CD48: variants seen among roughly 807,000 people sequenced by gnomAD.
CD48 encodes CD48 molecule.
A neutral mutation model predicts 22.0 loss-of-function variants in CD48; 20 were observed. The observed-to-expected ratio is 0.91, with a 90% confidence interval of 0.64 to 1.32. CD48 has a LOEUF of 1.32. CD48 is among the 40% of genes most tolerant of loss of function. CD48 has a pLI of 0.00. For missense variants in CD48, 307 were observed against 286.5 expected, an observed-to-expected ratio of 1.07 and a Z score of -0.52; for synonymous variants, 110 against 110.1, an observed-to-expected ratio of 1.00 and a Z score of 0.01.
chr1:160,681,482 G>A lies in CD48; in HGVS notation c.386-14C>T. Reference sequence around the variant, plus strand: ...TGGGTACAGGGTCTGAAAGTGAGGAGGATGTTATAAGATGAGACAGTGAGG... The same window carrying A: ...TGGGTACAGGGTCTGAAAGTGAGGAAGATGTTATAAGATGAGACAGTGAGG... On this transcript the variant is annotated splice_polypyrimidine_tract_variant and intron_variant, in intron 2 of 3. Transcript: ENST00000368046. The A allele has an allele frequency of 1.2e-6, 2 of 1,611,796 alleles. No homozygotes were observed. The highest frequency in any genetic ancestry group is 1.1e-5 in the South Asian group (1 of 90,756).
intron 2 of CD48, 42 bp downstream of exon 2, chr1:160,684,845 G>A (rs766626382): frequency 1.2e-6 from 2 of 1,614,036 alleles, no homozygotes; most frequent in South Asian, 1.1e-5. Context: ...TCCATCTGGG[G>A]CCACTGGAGT....
chr1:160,693,545 C>A (rs1379659793), intron 1 of CD48, among the ~76,000 whole-genome samples: 1 of 152,298 alleles, frequency 6.6e-6, no homozygotes, highest in Non-Finnish European at 1.5e-5. Flanking sequence ...TCAAATTGGT[C>A]ATTTAAAAAA....
At chr1:160,695,091 G>A (rs1662366188) in intron 1 of CD48, among the ~76,000 whole-genome samples, 1 of 152,060 alleles carries the variant, frequency 6.6e-6, no homozygotes, top group African/African-American at 2.4e-5. Flanking sequence ...TTGATCTAAA[G>A]GACTGCTTTT....
chr1:160,711,182 C>T (rs966524325), intron 1 of CD48, among the ~76,000 whole-genome samples: 4 of 152,186 alleles, frequency 2.6e-5, no homozygotes, highest in Non-Finnish European at 4.4e-5. Context: ...AGACCCCAGA[C>T]AGCAATCCTT....
chr1:160,701,533 T>A (rs1028860169), intron 1 of CD48, among the ~76,000 whole-genome samples: 1 of 152,040 alleles, frequency 6.6e-6, no homozygotes, highest in Non-Finnish European at 1.5e-5. Flanking sequence ...ACCAGCCCTG[T>A]TTTCTTTTAT....
In CD48 at chr1:160,684,885, A is replaced by AC. The variant is rs1190156939; in HGVS notation, c.385+1dup. 1 of 1,614,042 alleles carries AC rather than the reference A, an allele frequency of 6.2e-7. No individual in the cohort carries two copies. The highest frequency in any genetic ancestry group is 8.5e-7 in the Non-Finnish European group (1 of 1,180,004). Reference sequence around the variant, plus strand: ...ATTTGCTCTTTGGCTCCCCTGACTCACCAAGCACTTGCAGCTTGATCTTCC... The same window carrying AC: ...ATTTGCTCTTTGGCTCCCCTGACTCACCCAAGCACTTGCAGCTTGATCTTCC... On this transcript the variant is annotated splice_donor_variant, in intron 2 of 3. Coordinates refer to ENST00000368046, the MANE Select transcript of CD48 (RefSeq NM_001778.4). LOFTEE classifies it high-confidence loss of function.
At chr1:160,700,978 A>AATG (rs1480199244) in intron 1 of CD48, among the ~76,000 whole-genome samples, 1 of 152,022 alleles carries the variant, frequency 6.6e-6, no homozygotes, top group African/African-American at 2.4e-5. Context: ...TCATCAATAT[A>AATG]ATGATGAATA....
intron 1 of CD48, among the ~76,000 whole-genome samples, chr1:160,704,444 G>A (rs995127358): frequency 2.0e-5 from 3 of 152,138 alleles, no homozygotes; most frequent in South Asian, 2.1e-4. Flanking sequence ...TGAAGTTCCC[G>A]CTACCCACTT....
At position 160,706,254 on chromosome 1, in the gene CD48, A is replaced by C. The variant is rs113045708; in HGVS notation, c.82+5428T>G. 4.0e-3 allele frequency among the ~76,000 whole-genome samples: 606 copies of C among 152,162 alleles called. 5 individuals are homozygous for C. Among genetic ancestry groups the C allele is most frequent in the African/African-American group, 0.014 (579 of 41,492 alleles). Reference sequence around the variant, plus strand: ...CACGCCGGGCTAATTTTTTGTATTTAGTAGATACGGGGTTTCACCATGTTG... The same window carrying C: ...CACGCCGGGCTAATTTTTTGTATTTCGTAGATACGGGGTTTCACCATGTTG... On this transcript the variant is annotated intron_variant, in intron 1 of 3. Transcript: ENST00000368046.
At chr1:160,688,308 C>A (rs1662073992) in intron 1 of CD48, among the ~76,000 whole-genome samples, 2 of 152,158 alleles carry the variant, frequency 1.3e-5, no homozygotes, top group South Asian at 4.1e-4. Context: ...TTAGAATTTG[C>A]TGTAGCACTT....
At chr1:160,702,730 G>A (rs937615550) in intron 1 of CD48, among the ~76,000 whole-genome samples, 2 of 152,112 alleles carry the variant, frequency 1.3e-5, no homozygotes, top group Non-Finnish European at 2.9e-5. Context: ...CTTCATGGCC[G>A]GTGCCCACAG....
Position 160,685,003 on chromosome 1 carries a change from T to G in CD48, c.269A>C (p.Gln90Pro). 6.2e-7 allele frequency: 1 copy of G among 1,614,248 alleles called. No individual in the cohort carries two copies. Among genetic ancestry groups the G allele is most frequent in the Non-Finnish European group, 8.5e-7 (1 of 1,180,030 alleles). Residue 90 changes from glutamine (Q) to proline (P), a missense_variant, in exon 2 of 4, where the codon CAG becomes CCG. By Grantham distance (76) the Gln-to-Pro change is moderately conservative (BLOSUM62 -1). Coordinates refer to ENST00000368046, the MANE Select transcript of CD48 (RefSeq NM_001778.4). ...KFKGRVRLDPQSGALYISKVQ... is the reference protein window; with the variant it reads ...KFKGRVRLDPPSGALYISKVQ... Reference sequence around the variant, plus strand: ...CTTAGAGATGTACAGTGCGCCACTCTGAGGATCAAGTCTGACCCTGCCTTT... The same window carrying G: ...CTTAGAGATGTACAGTGCGCCACTCGGAGGATCAAGTCTGACCCTGCCTTT...
intron 1 of CD48, among the ~76,000 whole-genome samples, chr1:160,698,512 G>T (rs980210716): frequency 1.3e-5 from 2 of 151,938 alleles, no homozygotes; most frequent in African/African-American, 2.4e-5. Context: ...ATTGGCAAAA[G>T]AATTCTACAA....
intron 1 of CD48, chr1:160,699,618 A>G (rs1662556613): frequency 1.3e-5 from 2 of 152,264 alleles, no homozygotes; most frequent in Admixed American, 1.3e-4. Context: ...TGAGATAGGG[A>G]AAAACTGCCT....
intron 1 of CD48, among the ~76,000 whole-genome samples, chr1:160,685,666 C>A (rs1661972326): frequency 6.6e-6 from 1 of 152,114 alleles, no homozygotes; most frequent in Admixed American, 6.5e-5. Context: ...AACACACAAA[C>A]AAATAATCCT....
intron 1 of CD48, among the ~76,000 whole-genome samples, chr1:160,687,102 C>A (rs188912683): frequency 4.3e-4 from 65 of 152,188 alleles, no homozygotes; most frequent in Admixed American, 6.5e-4. Flanking sequence ...TACCTCCAGG[C>A]GCGTATTCTC....
At chr1:160,679,157 G>T in intron 3 of CD48, 26 bp from the exon 4 acceptor site, 2 of 1,588,126 alleles carry the variant, frequency 1.3e-6, no homozygotes, top group East Asian at 2.2e-5. Context: ...AACCCTATAT[G>T]CTTAGGTATC....
intron 1 of CD48, among the ~76,000 whole-genome samples, chr1:160,688,126 A>G (rs1395740570): frequency 6.6e-6 from 1 of 152,198 alleles, no homozygotes; most frequent in Non-Finnish European, 1.5e-5. Flanking sequence ...TTTTTGATGG[A>G]TGCCTTGTTG....
At chr1:160,691,509 C>G (rs556006448) in intron 1 of CD48, among the ~76,000 whole-genome samples, 47 of 152,258 alleles carry the variant, frequency 3.1e-4, no homozygotes, top group South Asian at 1.2e-3. Context: ...TTTGTCTGCT[C>G]ACCCTCTCCC....
Sources: allele counts gnomAD v4.1 joint callset (sites outside exome capture counted in the v4.1 genomes callset), GRCh38; gene constraint gnomAD v4.1.1; transcripts MANE v1.5; gene names NCBI Gene and HGNC (gene_info 2026-07-23, HGNC 2026-07-21).